Variants in MAF observed in about 807,000 individuals in gnomAD.
The protein encoded by MAF is MAF bZIP transcription factor.
In MAF, 10 loss-of-function variants were observed where a neutral mutation model predicts 22.0. The observed-to-expected ratio is 0.45, with a 90% confidence interval of 0.28 to 0.77. The LOEUF is 0.77. MAF is among the 30% of genes least tolerant of loss of function. The pLI is 0.12. For synonymous variants in MAF, 337 were observed against 255.8 expected (o/e 1.32, Z -3.03); for missense variants, 544 against 548.4 (o/e 0.99, Z 0.08).
chr16:79,222,724 C>A, the MAF span, among the ~76,000 whole-genome samples: 1 of 152,092 alleles, frequency 6.6e-6, no homozygotes, highest in Non-Finnish European at 1.5e-5. Flanking sequence ...GGGTTGCAAT[C>A]CTAGTCTCTG....
chr16:79,452,887 G>C, the MAF span, among the ~76,000 whole-genome samples: 2 of 152,272 alleles, frequency 1.3e-5, no homozygotes, highest in African/African-American at 4.8e-5. Context: ...TGTGCCCCTG[G>C]ATCAACACTT....
At chr16:79,445,262 C>G in the MAF span, among the ~76,000 whole-genome samples, 3 of 151,300 alleles carry the variant, frequency 2.0e-5, no homozygotes, top group South Asian at 6.2e-4. Context: ...CCAGGATGGT[C>G]TGGATCTCCT....
the MAF span, among the ~76,000 whole-genome samples, chr16:79,380,724 T>A: frequency 6.6e-6 from 1 of 152,178 alleles, no homozygotes; most frequent in Admixed American, 6.5e-5. Flanking sequence ...GTTATACAGA[T>A]GGGAAGACTG....
chr16:79,468,970 G>T, the MAF span, among the ~76,000 whole-genome samples: 115 of 152,180 alleles, frequency 7.6e-4, no homozygotes, highest in African/African-American at 2.7e-3. Context: ...TCCATATAAA[G>T]AGTGATGTTG....
At chr16:79,475,716 A>C in the MAF span, among the ~76,000 whole-genome samples, 10 of 152,294 alleles carry the variant, frequency 6.6e-5, no homozygotes, top group African/African-American at 2.4e-4. Context: ...TTTCACCTTA[A>C]AATCTGTAAA....
chr16:79,542,400 A>C, the MAF span, among the ~76,000 whole-genome samples: 2 of 152,192 alleles, frequency 1.3e-5, no homozygotes, highest in African/African-American at 4.8e-5. Context: ...TGGATTAGAT[A>C]GAGTCAAGGC....
chr16:79,233,213 G>A, the MAF span, among the ~76,000 whole-genome samples: 1 of 151,944 alleles, frequency 6.6e-6, no homozygotes, highest in Admixed American at 6.6e-5. Context: ...TAACTCATGG[G>A]AATATCAATG....
the MAF span, among the ~76,000 whole-genome samples, chr16:79,469,855 A>G: frequency 1.1e-4 from 16 of 152,228 alleles, no homozygotes; most frequent in African/African-American, 2.9e-4. Flanking sequence ...TCGGCCTCCC[A>G]AAGTGCTGAG....
At chr16:79,343,617 G>A in the MAF span, among the ~76,000 whole-genome samples, 1 of 152,180 alleles carries the variant, frequency 6.6e-6, no homozygotes, top group Non-Finnish European at 1.5e-5. Flanking sequence ...CATGCCTAAA[G>A]TGATTGTCGT....
chr16:79,230,571 G>C, the MAF span, among the ~76,000 whole-genome samples: 1 of 152,106 alleles, frequency 6.6e-6, no homozygotes, highest in African/African-American at 2.4e-5. Context: ...TTCTACAGCT[G>C]AGCAACCTTC....
the MAF span, among the ~76,000 whole-genome samples, chr16:79,313,263 A>G: frequency 1.3e-5 from 2 of 152,144 alleles, no homozygotes; most frequent in African/African-American, 2.4e-5. Flanking sequence ...ACTTAACAAC[A>G]TGATTAATTT....
chr16:79,391,392 A>AG, the MAF span, among the ~76,000 whole-genome samples: 1 of 152,160 alleles, frequency 6.6e-6, no homozygotes, highest in Non-Finnish European at 1.5e-5. Context: ...TATGAGGCCC[A>AG]AGCAGAGCCA....
At chr16:79,250,594 A>G in the MAF span, among the ~76,000 whole-genome samples, 1 of 152,118 alleles carries the variant, frequency 6.6e-6, no homozygotes, top group African/African-American at 2.4e-5. Flanking sequence ...GGAAGGCTCT[A>G]CTTCTGAGCA....
At chr16:79,543,702 T>C in the MAF span, among the ~76,000 whole-genome samples, 6 of 150,050 alleles carry the variant, frequency 4.0e-5, no homozygotes, top group Admixed American at 4.0e-4. Context: ...TTTTTTTTTT[T>C]CTGAGACGGA....
chr16:79,565,277 G>A, the MAF span, among the ~76,000 whole-genome samples: 18 of 152,294 alleles, frequency 1.2e-4, no homozygotes, highest in Non-Finnish European at 2.1e-4. Flanking sequence ...ACAACCAGGG[G>A]CATTCATTTA....
the MAF span, among the ~76,000 whole-genome samples, chr16:79,208,338 C>G: frequency 6.6e-6 from 1 of 151,502 alleles, no homozygotes; most frequent in African/African-American, 2.4e-5. Context: ...CCATGATTAG[C>G]AACCATATAC....
the MAF span, among the ~76,000 whole-genome samples, chr16:79,473,653 G>T: frequency 6.6e-6 from 1 of 152,172 alleles, no homozygotes; most frequent in Non-Finnish European, 1.5e-5. Context: ...GAAAGGGCAC[G>T]GGGTGAGCAT....
At chr16:79,449,483 T>A in the MAF span, among the ~76,000 whole-genome samples, 1 of 152,198 alleles carries the variant, frequency 6.6e-6, no homozygotes, top group Non-Finnish European at 1.5e-5. Context: ...CTCCTCAGCT[T>A]TCTGAGTTTT....
In MAF at chr16:79,599,704, C is replaced by A; in HGVS notation, c.199G>T (p.Val67Leu). The A allele has an allele frequency of 6.2e-7, 1 of 1,612,532 alleles. No homozygotes were observed. The highest frequency in any genetic ancestry group is 1.3e-5 in the African/African-American group (1 of 74,972). ...STPMSTPCSS[V>L]PPSPSFSAPS... Reference sequence around the variant, plus strand: ...GCCGAGAAGCTGGGGGAAGGGGGCACCGAGCTGCACGGCGTGCTCATGGGG... The same window carrying A: ...GCCGAGAAGCTGGGGGAAGGGGGCAACGAGCTGCACGGCGTGCTCATGGGG... Residue 67 changes from valine to leucine, a missense_variant, in exon 1 of 2, where the codon GTG (valine) becomes TTG (leucine). Physicochemically the swap from Val to Leu is conservative, Grantham distance 32. Transcript: ENST00000326043.
Sources: gnomAD v4.1 joint callset for allele counts (sites outside exome capture counted in the v4.1 genomes callset) on GRCh38, gnomAD v4.1.1 for gene constraint, MANE v1.5 for transcripts, NCBI Gene and HGNC (gene_info 2026-07-23, HGNC 2026-07-21) for gene names.